ENPEP: variants seen among roughly 807,000 people sequenced by gnomAD.
ENPEP encodes AP-A.
A neutral mutation model predicts 114.5 loss-of-function variants in ENPEP; 103 were observed. The ratio of observed to expected loss-of-function variants is 0.90; its 90% confidence interval spans 0.77 to 1.06. The LOEUF is 1.06. ENPEP is among the 50% of genes least tolerant of loss of function. The probability of loss-of-function intolerance (pLI) is 0.00; values close to 1 mark genes in which losing one functional copy is unlikely to be tolerated. For synonymous variants in ENPEP, 420 were observed against 422.0 expected (o/e 1.00, Z 0.06); for missense variants, 1,196 against 1,161.3 (o/e 1.03, Z -0.43).
chr4:110,496,705 G>A (rs1724954251), intron 3 of ENPEP, among the ~76,000 whole-genome samples: 1 of 152,150 alleles, frequency 6.6e-6, no homozygotes, highest in Admixed American at 6.5e-5. Context: ...TTCGTAGAAA[G>A]TTTCTCAGTT....
chr4:110,560,028 G>A (rs1297853146), intron 19 of ENPEP, among the ~76,000 whole-genome samples: 1 of 152,182 alleles, frequency 6.6e-6, no homozygotes, highest in Non-Finnish European at 1.5e-5. Flanking sequence ...CCACTTATGA[G>A]AGAGAACATG....
chr4:110,521,518 G>A (rs1196306326), intron 10 of ENPEP, among the ~76,000 whole-genome samples: 1 of 151,906 alleles, frequency 6.6e-6, no homozygotes, highest in Admixed American at 6.6e-5. Context: ...GAATGACAAA[G>A]ATCACAAGAT....
chr4:110,490,987 T>C (rs1724685335), intron 2 of ENPEP, 46 bp from the exon 3 acceptor site: 2 of 1,581,078 alleles, frequency 1.3e-6, no homozygotes, highest in Non-Finnish European at 1.7e-6. Flanking sequence ...TGCATATATA[T>C]GATTGATATT....
At chr4:110,507,364 A>G (rs1725409877) in intron 4 of ENPEP, among the ~76,000 whole-genome samples, 1 of 152,224 alleles carries the variant, frequency 6.6e-6, no homozygotes, top group Non-Finnish European at 1.5e-5. Context: ...TCAATAGTGG[A>G]AATGCTTTAT....
chr4:110,545,257 A>G (rs910539498), intron 13 of ENPEP, among the ~76,000 whole-genome samples: 9 of 152,180 alleles, frequency 5.9e-5, no homozygotes, highest in African/African-American at 2.2e-4. Flanking sequence ...AAAATAAATG[A>G]ATTTTTTATT....
At position 110,513,283 on chromosome 4, in the gene ENPEP, G is replaced by A. The variant is rs1274120325; in HGVS notation, c.1309-132G>A. ...AATCAGTGCAAAGTATGATTAATTT[G>A]AAGACCTAATGTTTAAGTAACTTAA... is the stretch of plus-strand genomic sequence containing the variant. On this transcript the variant is annotated intron_variant, in intron 6 of 19. Transcript: ENST00000265162. 3.1e-6 allele frequency: 3 copies of A among 961,108 alleles called. No individual in the cohort carries two copies. In the African/African-American group the frequency reaches 5.0e-5, roughly 16 times the overall value. 59.5% of individuals were successfully genotyped at this position (961,108 alleles called of 1,614,324 possible).
intron 1 of ENPEP, among the ~76,000 whole-genome samples, chr4:110,477,646 G>A (rs186783263): frequency 2.6e-5 from 4 of 152,164 alleles, no homozygotes; most frequent in Admixed American, 2.0e-4. Context: ...CCGATGGCCA[G>A]GACCATGCTT....
intron 18 of ENPEP, among the ~76,000 whole-genome samples, chr4:110,554,762 T>C (rs946884013): frequency 2.6e-5 from 4 of 152,020 alleles, no homozygotes; most frequent in African/African-American, 9.7e-5. Context: ...ACCATACAAC[T>C]ATCTCTTTTT....
At chr4:110,557,579 TTAAG>T (rs1368966165) in intron 18 of ENPEP, among the ~76,000 whole-genome samples, 1 of 152,192 alleles carries the variant, frequency 6.6e-6, no homozygotes, top group African/African-American at 2.4e-5. Context: ...AAACATTCTC[TTAAG>T]TGAGAATGAG....
intron 10 of ENPEP, among the ~76,000 whole-genome samples, chr4:110,525,602 TTG>T (rs1726166029): frequency 6.6e-6 from 1 of 152,246 alleles, no homozygotes; most frequent in Non-Finnish European, 1.5e-5. Context: ...ATATAAATTA[TTG>T]TAAGATCAAT....
intron 1 of ENPEP, among the ~76,000 whole-genome samples, chr4:110,486,483 T>C (rs936507179): frequency 2.0e-5 from 3 of 152,192 alleles, no homozygotes; most frequent in South Asian, 2.1e-4. Flanking sequence ...TTAGGGACTT[T>C]GCACTTACGG....
At chr4:110,485,984 A>G (rs111833701) in intron 1 of ENPEP, among the ~76,000 whole-genome samples, 3,495 of 152,278 alleles carry the variant, frequency 0.023, 51 homozygotes, top group Middle Eastern at 0.037. Context: ...TAAAGTTACA[A>G]GGTTTCTCTT....
At chr4:110,524,137 A>C (rs1230910291) in intron 10 of ENPEP, among the ~76,000 whole-genome samples, 2 of 152,146 alleles carry the variant, frequency 1.3e-5, no homozygotes, top group Non-Finnish European at 2.9e-5. Flanking sequence ...TATAAGCTCA[A>C]TCACCCTCTT....
At chr4:110,485,624 C>T (rs990985834) in intron 1 of ENPEP, among the ~76,000 whole-genome samples, 5 of 152,136 alleles carry the variant, frequency 3.3e-5, no homozygotes, top group Non-Finnish European at 5.9e-5. Flanking sequence ...TCCCCCAGTG[C>T]AGTACCCAGT....
chr4:110,539,965 G>A (rs1052877593), intron 11 of ENPEP, among the ~76,000 whole-genome samples: 3 of 151,904 alleles, frequency 2.0e-5, no homozygotes, highest in Non-Finnish European at 4.4e-5. Context: ...AGAGGCTCTC[G>A]ATGAAATTTT....
rs1474139963 is a variant in ENPEP, at chr4:110,542,882, C to T, written c.1939C>T (p.His647Tyr). 1 of 1,612,806 alleles carries T rather than the reference C, an allele frequency of 6.2e-7. No individual in the cohort carries two copies. Among genetic ancestry groups the T allele is most frequent in the African/African-American group, 1.3e-5 (1 of 74,958 alleles). Residue 647 changes from histidine (H) to tyrosine (Y), a missense_variant, in exon 12 of 20, where the codon CAC becomes TAC. Coordinates refer to ENST00000265162, the MANE Select transcript of ENPEP (RefSeq NM_001977.4). ...DSIATALSLNHKTFSSADRAS... is the reference protein window; with the variant it reads ...DSIATALSLNYKTFSSADRAS... ...GATAGCTACAGCGCTCTCCTTGAACCACAAGGTAAGAGATAGCAATGGTTG... is the reference window on the plus strand; with the variant it reads ...GATAGCTACAGCGCTCTCCTTGAACTACAAGGTAAGAGATAGCAATGGTTG...
intron 3 of ENPEP, among the ~76,000 whole-genome samples, chr4:110,503,052 C>G (rs887426650): frequency 6.6e-6 from 1 of 152,084 alleles, no homozygotes; most frequent in Non-Finnish European, 1.5e-5. Context: ...TATCCCTCCC[C>G]GCTCCCCCCA....
chr4:110,547,192 T>C (rs1275415093), intron 13 of ENPEP, among the ~76,000 whole-genome samples: 1 of 152,082 alleles, frequency 6.6e-6, no homozygotes, highest in Non-Finnish European at 1.5e-5. Flanking sequence ...CTCTTCTTCA[T>C]TTTATTTGGT....
At position 110,563,662 on chromosome 4, in the gene ENPEP, A is replaced by G. The variant is rs540988661; in HGVS notation, c.*2104A>G. ...AAATTTAAATAATTAATTTTAATTG[A>G]AAAAAAGTAACCATTTAATTTCAAG... On this transcript the variant is annotated 3_prime_UTR_variant, in exon 20 of 20. Coordinates refer to ENST00000265162, the MANE Select transcript of ENPEP (RefSeq NM_001977.4). 7.9e-4 allele frequency: 120 copies of G among 152,250 alleles called. No homozygotes were observed. Among genetic ancestry groups the G allele is most frequent in the African/African-American group, 2.8e-3 (116 of 41,564 alleles). The allele number at this position is 152,250 out of a possible 1,614,324, so 9.4% of individuals were successfully genotyped here. A position where few individuals can be genotyped will look rare whatever the true frequency, so the allele number is the denominator to read the frequency against.
Sources: gnomAD v4.1 joint callset for allele counts (sites outside exome capture counted in the v4.1 genomes callset) on GRCh38, gnomAD v4.1.1 for gene constraint, MANE v1.5 for transcripts, NCBI Gene and HGNC (gene_info 2026-07-23, HGNC 2026-07-21) for gene names.